Variants in COL4A2 observed in about 807,000 individuals in gnomAD.
COL4A2 encodes the protein collagen type IV alpha 2 chain.
A neutral mutation model predicts 200.2 loss-of-function variants in COL4A2; 99 were observed. The observed-to-expected ratio is 0.49, with a 90% CI of 0.42 to 0.58. COL4A2 has a LOEUF of 0.58. Ranked by LOEUF, COL4A2 falls within the 20% of genes least tolerant of loss-of-function variation. The pLI is 0.00. For synonymous variants in COL4A2, 897 were observed against 900.6 expected, an observed-to-expected ratio of 1.00 and a Z score of 0.07; for missense variants, 1,950 against 2,314.1, an observed-to-expected ratio of 0.84 and a Z score of 3.23.
At chr13:110,333,958 C>T (rs1876049655) in intron 3 of COL4A2, among the ~76,000 whole-genome samples, 1 of 152,182 alleles carries the variant, frequency 6.6e-6, no homozygotes, top group Non-Finnish European at 1.5e-5. Flanking sequence ...GAAACCGAGT[C>T]TAGAAAGTCA....
intron 6 of COL4A2, among the ~76,000 whole-genome samples, chr13:110,425,620 T>A (rs1444018847): frequency 6.6e-6 from 1 of 152,214 alleles, no homozygotes; most frequent in East Asian, 1.9e-4. Context: ...GGGATCAATG[T>A]GTTTATCGCA....
chr13:110,450,318 C>G lies in COL4A2; in HGVS notation c.1203C>G (p.Gly401=). Residue 401 remains glycine, a synonymous_variant, in exon 20 of 48, where the codon GGC becomes GGG. Transcript: ENST00000360467. ...GTTTGGTTTCAGATCAGAGGAGAGG[C>G]CTGCCGGGTGAGATGGGACCCAAGG... The part of the protein sequence containing the change: ...LSIGDGDQRR[G]LPGEMGPKGF... 1 of 1,613,652 alleles carries G rather than the reference C, an allele frequency of 6.2e-7. No individual in the cohort carries two copies. The highest frequency in any genetic ancestry group is 8.5e-7 in the Non-Finnish European group (1 of 1,179,654).
intron 27 of COL4A2, 104 bp downstream of exon 27, chr13:110,467,200 C>A: frequency 1.4e-6 from 2 of 1,453,326 alleles, no homozygotes; most frequent in South Asian, 1.2e-5. Flanking sequence ...ATCCCCCACC[C>A]CAGACATGGT....
intron 40 of COL4A2, among the ~76,000 whole-genome samples, chr13:110,498,223 A>G (rs572581208): frequency 3.3e-5 from 5 of 152,262 alleles, no homozygotes; most frequent in African/African-American, 9.6e-5. Context: ...GGGAGGATAC[A>G]ATGAGATACT....
At chr13:110,474,980 G>A (rs1301348517) in intron 29 of COL4A2, among the ~76,000 whole-genome samples, 2 of 150,674 alleles carry the variant, frequency 1.3e-5, no homozygotes, top group East Asian at 2.0e-4. Context: ...ACCCACACAC[G>A]TGCCTGTGCA....
At chr13:110,361,027 G>A (rs565945648) in intron 4 of COL4A2, among the ~76,000 whole-genome samples, 1 of 152,358 alleles carries the variant, frequency 6.6e-6, no homozygotes, top group African/African-American at 2.4e-5. Flanking sequence ...CACTGATAAA[G>A]TGATAGAAAT....
chr13:110,397,177 A>G (rs1366043610), intron 4 of COL4A2, among the ~76,000 whole-genome samples: 2 of 152,162 alleles, frequency 1.3e-5, no homozygotes, highest in Non-Finnish European at 2.9e-5. Context: ...ATCCGCCCCC[A>G]TTGATATTTG....
chr13:110,433,332 G>T (rs550964818), intron 11 of COL4A2, among the ~76,000 whole-genome samples: 5 of 152,364 alleles, frequency 3.3e-5, no homozygotes, highest in Admixed American at 2.0e-4. Context: ...CAAGCCCTGA[G>T]CCCAGGCGTG....
intron 27 of COL4A2, among the ~76,000 whole-genome samples, 194 bp from the exon 28 acceptor site, chr13:110,469,023 T>A (rs1882359847): frequency 6.6e-6 from 1 of 152,204 alleles, no homozygotes; most frequent in South Asian, 2.1e-4. Context: ...TTCTTATGGT[T>A]CCAGTCCGTA....
At chr13:110,416,918 C>A (rs753188347) in intron 4 of COL4A2, among the ~76,000 whole-genome samples, 26 of 152,204 alleles carry the variant, frequency 1.7e-4, no homozygotes, top group Admixed American at 5.2e-4. Context: ...CACCATCAGA[C>A]AGACCAGATT....
In COL4A2 at chr13:110,421,119, G is replaced by A. The variant is rs146384794; in HGVS notation, c.181-3615G>A. On this transcript the variant is annotated intron_variant, in intron 4 of 47. Coordinates refer to ENST00000360467, the MANE Select transcript of COL4A2 (RefSeq NM_001846.4). ...TATTGGTGAGGATACAGAGGAATTGGAACCTTTGTGCATTGCTGGTGGGAA... is the reference window on the plus strand; with the variant it reads ...TATTGGTGAGGATACAGAGGAATTGAAACCTTTGTGCATTGCTGGTGGGAA... Among the ~76,000 whole-genome samples the A allele has an allele frequency of 5.9e-5, 9 of 152,322 alleles. No individual in the cohort carries two copies. In the East Asian group the frequency reaches 1.7e-3, roughly 29 times the overall value.
chr13:110,461,696 G>T (rs903126429), intron 22 of COL4A2, among the ~76,000 whole-genome samples: 2 of 152,040 alleles, frequency 1.3e-5, no homozygotes, highest in African/African-American at 4.8e-5. Context: ...GCCACACTCG[G>T]CTAAGTTTTT....
chr13:110,375,825 G>A (rs1878214509), intron 4 of COL4A2, among the ~76,000 whole-genome samples: 1 of 150,644 alleles, frequency 6.6e-6, no homozygotes, highest in Non-Finnish European at 1.5e-5. Context: ...GTGAGACTCT[G>A]TCTCAAAAAA....
chr13:110,312,305 C>T (rs534712062), intron 3 of COL4A2, among the ~76,000 whole-genome samples: 17 of 152,130 alleles, frequency 1.1e-4, no homozygotes, highest in African/African-American at 3.9e-4. Context: ...AACCGAAAAG[C>T]GCAGGAGAGG....
rs941227427 is a variant in COL4A2 at position 110,352,905 on chromosome 13, G to A, written c.100-4567G>A. 4.6e-5 allele frequency among the ~76,000 whole-genome samples: 7 copies of A among 152,244 alleles called. No individual in the cohort carries two copies. The South Asian group carries it at 8.3e-4, about 18-fold the overall frequency. ...CAGCCGGGCTGAACGGCTACAGCAC[G>A]CCCCACGAGCCTGGATCACGTTCCA... On this transcript the variant is annotated intron_variant, in intron 3 of 47. Coordinates refer to ENST00000360467, the MANE Select transcript of COL4A2 (RefSeq NM_001846.4).
rs181706751 is a variant in COL4A2 at position 110,478,061 on chromosome 13, T to C, written c.2484T>C (p.Pro828=). 8.2e-4 allele frequency: 1,320 copies of C among 1,605,766 alleles called. 7 individuals carry two copies. The highest frequency in any genetic ancestry group is 2.8e-4 in the Non-Finnish European group (325 of 1,174,742). ...GLKGQPGLPG[P]SGQPGLYGPP... ...AGGGCCAGCCAGGCCTCCCAGGACC[T>C]TCCGGCCAGCCAGGCCTGTATGGGC... Residue 828 remains proline, a synonymous_variant, in exon 30 of 48, where the codon CCT becomes CCC. Coordinates refer to ENST00000360467, the MANE Select transcript of COL4A2 (RefSeq NM_001846.4).
chr13:110,378,485 G>A (rs1878335927), intron 4 of COL4A2, among the ~76,000 whole-genome samples: 2 of 152,136 alleles, frequency 1.3e-5, no homozygotes, highest in African/African-American at 4.8e-5. Flanking sequence ...CTTTCCTCCG[G>A]GTCCCTCGCC....
At chr13:110,412,540 T>C (rs1008053935) in intron 4 of COL4A2, among the ~76,000 whole-genome samples, 7 of 152,220 alleles carry the variant, frequency 4.6e-5, no homozygotes. Flanking sequence ...AAGGTTGAAA[T>C]CTGATTTTAA....
chr13:110,456,733 C>T (rs1368112458), intron 20 of COL4A2: 1 of 472,590 alleles, frequency 2.1e-6, no homozygotes, highest in Non-Finnish European at 4.4e-6. Context: ...TGCCCATGCC[C>T]TGTGTCTGGG....
Sources: gnomAD v4.1 joint callset for allele counts (sites outside exome capture counted in the v4.1 genomes callset) on GRCh38, gnomAD v4.1.1 for gene constraint, MANE v1.5 for transcripts, NCBI Gene and HGNC (gene_info 2026-07-23, HGNC 2026-07-21) for gene names.